PAK5: variants seen among roughly 807,000 people sequenced by gnomAD.
PAK5 encodes the protein p21 (RAC1) activated kinase 5, also known as serine/threonine-protein kinase PAK 5.
A neutral mutation model predicts 65.9 loss-of-function variants in PAK5; 16 were observed. That is an observed-to-expected ratio of 0.24 (90% CI 0.16 to 0.37). The LOEUF is 0.37. Ranked by LOEUF, PAK5 falls within the 10% of genes least tolerant of loss-of-function variation. The pLI, the probability that PAK5 is intolerant of heterozygous loss-of-function variation, is 1.00. For synonymous variants in PAK5, 371 were observed against 354.9 expected, an observed-to-expected ratio of 1.05 and a Z score of -0.51; for missense variants, 785 against 903.9, an observed-to-expected ratio of 0.87 and a Z score of 1.69.
chr20:9,829,011 G>C (rs1409594907), intron 1 of PAK5, among the ~76,000 whole-genome samples: 3 of 152,142 alleles, frequency 2.0e-5, no homozygotes, highest in Non-Finnish European at 4.4e-5. Flanking sequence ...AGAAACAAAG[G>C]TACACCTTAT....
chr20:9,597,232 C>T (rs890266763), intron 3 of PAK5, among the ~76,000 whole-genome samples: 5 of 152,148 alleles, frequency 3.3e-5, no homozygotes, highest in Non-Finnish European at 7.4e-5. Context: ...CTTCTAGCTT[C>T]AAAATTCTGT....
intron 1 of PAK5, among the ~76,000 whole-genome samples, chr20:9,758,537 C>T (rs1371298994): frequency 6.6e-6 from 1 of 152,126 alleles, no homozygotes; most frequent in Non-Finnish European, 1.5e-5. Flanking sequence ...ATGCTGAAGC[C>T]AGCTCGCATA....
At chr20:9,615,820 C>T (rs554516866) in intron 3 of PAK5, among the ~76,000 whole-genome samples, 2 of 152,294 alleles carry the variant, frequency 1.3e-5, no homozygotes, top group African/African-American at 2.4e-5. Flanking sequence ...TGCTCACTCC[C>T]GTGGCCTGGC....
At chr20:9,654,127 C>A (rs987488732) in intron 2 of PAK5, among the ~76,000 whole-genome samples, 2 of 151,906 alleles carry the variant, frequency 1.3e-5, no homozygotes, top group Non-Finnish European at 1.5e-5. Context: ...GCATGCACCA[C>A]GATGCCCAGC....
intron 1 of PAK5, among the ~76,000 whole-genome samples, chr20:9,738,206 A>G (rs536498031): frequency 2.0e-5 from 3 of 152,138 alleles, no homozygotes; most frequent in South Asian, 4.2e-4. Context: ...ACTCTTACAC[A>G]TTCTCGGTGG....
At chr20:9,554,849 T>A (rs1013267231) in intron 7 of PAK5, among the ~76,000 whole-genome samples, 1 of 152,070 alleles carries the variant, frequency 6.6e-6, no homozygotes, top group South Asian at 2.1e-4. Context: ...CTCAATATGC[T>A]CTTGCTTCCT....
At chr20:9,606,862 C>G (rs910876538) in intron 3 of PAK5, among the ~76,000 whole-genome samples, 2 of 152,064 alleles carry the variant, frequency 1.3e-5, no homozygotes, top group South Asian at 2.1e-4. Flanking sequence ...AGAGTATAGG[C>G]CTTGGTTTTC....
At chr20:9,653,221 T>C (rs753486390) in intron 2 of PAK5, among the ~76,000 whole-genome samples, 7 of 152,190 alleles carry the variant, frequency 4.6e-5, no homozygotes, top group Non-Finnish European at 7.3e-5. Context: ...AATCATGGGT[T>C]TTAGAGTAAC....
intron 1 of PAK5, among the ~76,000 whole-genome samples, chr20:9,724,901 C>T (rs983456549): frequency 2.0e-5 from 3 of 152,032 alleles, no homozygotes; most frequent in African/African-American, 2.4e-5. Context: ...AAGAGTATAA[C>T]TGGATTGTTC....
intron 1 of PAK5, among the ~76,000 whole-genome samples, chr20:9,800,053 T>A (rs983100091): frequency 1.3e-5 from 2 of 151,446 alleles, no homozygotes; most frequent in African/African-American, 4.8e-5. Context: ...AAGATTCAAG[T>A]GTAGAATTTA....
intron 3 of PAK5, among the ~76,000 whole-genome samples, chr20:9,615,867 C>A (rs2046646863): frequency 6.6e-6 from 1 of 152,210 alleles, no homozygotes; most frequent in African/African-American, 2.4e-5. Flanking sequence ...CACAGCTAGG[C>A]AGTCTGCTGG....
intron 3 of PAK5, among the ~76,000 whole-genome samples, chr20:9,639,605 G>A (rs1269202285): frequency 6.6e-6 from 1 of 152,206 alleles, no homozygotes; most frequent in East Asian, 1.9e-4. Context: ...TACTTGAGAT[G>A]TATCTTCCAG....
rs144202772 is a variant in PAK5 at position 9,580,385 on chromosome 20, C to G, written c.750G>C (p.Leu250=). Residue 250 remains leucine (L), a synonymous_variant, in exon 4 of 10, where the codon CTG becomes CTC. Coordinates refer to ENST00000353224, the MANE Select transcript of PAK5 (RefSeq NM_177990.4). ...GTCCCCATTCACTTTCACTGTACGC[C>G]AGGCTCTCCTTGGAGCACCCGCTGG... is the stretch of plus-strand genomic sequence containing the variant. ...AGTSGCSKES[L]AYSESEWGPS... 9.0e-5 allele frequency: 145 copies of G among 1,613,930 alleles called. No individual in the cohort carries two copies. The highest frequency in any genetic ancestry group is 1.3e-4 in the Admixed American group (8 of 59,992).
intron 1 of PAK5, among the ~76,000 whole-genome samples, chr20:9,824,577 A>G (rs1407899650): frequency 6.6e-6 from 1 of 152,184 alleles, no homozygotes; most frequent in Non-Finnish European, 1.5e-5. Context: ...GTGCACTGCA[A>G]AAATGGTCCC....
chr20:9,643,728 T>C (rs1304581324), intron 3 of PAK5, among the ~76,000 whole-genome samples: 3 of 152,100 alleles, frequency 2.0e-5, no homozygotes, highest in African/African-American at 7.2e-5. Context: ...GAAAGAAAAG[T>C]TTAAATATTT....
At chr20:9,570,776 G>A (rs2045767713) in intron 4 of PAK5, among the ~76,000 whole-genome samples, 1 of 152,192 alleles carries the variant, frequency 6.6e-6, no homozygotes, top group Non-Finnish European at 1.5e-5. Context: ...ATGTATAACT[G>A]ATCTCTGAAG....
intron 4 of PAK5, among the ~76,000 whole-genome samples, chr20:9,572,578 A>T (rs2045809342): frequency 6.6e-6 from 1 of 152,194 alleles, no homozygotes; most frequent in South Asian, 2.1e-4. Context: ...TGTGAAAGGG[A>T]TTTGGGATCT....
chr20:9,635,934 A>G (rs2123242818), intron 3 of PAK5, among the ~76,000 whole-genome samples: 1 of 152,340 alleles, frequency 6.6e-6, no homozygotes, highest in South Asian at 2.1e-4. Flanking sequence ...TCACTCAGCT[A>G]GGAGCATGGC....
intron 3 of PAK5, among the ~76,000 whole-genome samples, chr20:9,640,657 GTCT>G (rs2047044606): frequency 6.6e-6 from 1 of 152,148 alleles, no homozygotes; most frequent in Non-Finnish European, 1.5e-5. Flanking sequence ...AAAGTGGCAC[GTCT>G]GGAGTCTGTC....
Sources: allele counts gnomAD v4.1 joint callset (sites outside exome capture counted in the v4.1 genomes callset), GRCh38; gene constraint gnomAD v4.1.1; transcripts MANE v1.5; gene names NCBI Gene and HGNC (gene_info 2026-07-23, HGNC 2026-07-21).